Variants in IL23R observed in about 807,000 individuals in gnomAD.
IL23R encodes interleukin-23 receptor.
IL23R carries 34 observed loss-of-function variants against 56.9 expected under a neutral mutation model. The observed-to-expected ratio is 0.60, with a 90% confidence interval of 0.45 to 0.80. The LOEUF (loss-of-function observed/expected upper bound fraction) is 0.80, where lower values mean the gene tolerates loss of function less well. IL23R is among the 30% of genes least tolerant of loss of function. The pLI is 0.00. For synonymous variants in IL23R, 230 were observed against 249.2 expected, an observed-to-expected ratio of 0.92 and a Z score of 0.73; for missense variants, 635 against 730.0, an observed-to-expected ratio of 0.87 and a Z score of 1.50.
intron 5 of IL23R, 67 bp downstream of exon 5, chr1:67,200,964 T>A (rs577604838): frequency 6.6e-7 from 1 of 1,512,924 alleles, no homozygotes; most frequent in Non-Finnish European, 9.2e-7. Context: ...TCAAATGAGG[T>A]CTAGATCTGA....
At chr1:67,200,507 C>A (rs535985057) in intron 4 of IL23R, among the ~76,000 whole-genome samples, 3 of 150,954 alleles carry the variant, frequency 2.0e-5, no homozygotes, top group Non-Finnish European at 4.4e-5. Flanking sequence ...ATTCTCCTTT[C>A]GCAGCCTCCC....
At position 67,200,818 on chromosome 1, in the gene IL23R, G is replaced by A. The variant is rs1648575491; in HGVS notation, c.573G>A (p.Lys191=). The change falls in exon 5 of 11, where the codon AAG becomes AAA. Residue 191 remains lysine, a synonymous_variant. Transcript: ENST00000347310. The stretch of plus-strand genomic sequence containing the variant: ...CTGATTCATTACAAGGTGGCAAGAA[G>A]TACTTGGTTTGGGTCCAAGCAGCAA... The part of the protein sequence containing the change: ...ISTDSLQGGK[K]YLVWVQAANA... 7.4e-6 allele frequency: 12 copies of A among 1,614,070 alleles called. No homozygotes were observed. The highest frequency in any genetic ancestry group is 1.0e-5 in the Non-Finnish European group (12 of 1,179,984).
chr1:67,233,226 C>T (rs4655529), intron 7 of IL23R, among the ~76,000 whole-genome samples: 40,102 of 142,928 alleles, frequency 0.28, 6,848 homozygotes, highest in East Asian at 0.72. Context: ...AAAAGCCACG[C>T]GTGGTGGCAT....
At chr1:67,248,449 G>T (rs924111887) in intron 9 of IL23R, among the ~76,000 whole-genome samples, 4 of 151,990 alleles carry the variant, frequency 2.6e-5, no homozygotes, top group Admixed American at 6.6e-5. Context: ...CTTGTGCTGT[G>T]TTTTTCAGCA....
intron 6 of IL23R, among the ~76,000 whole-genome samples, chr1:67,210,731 C>T (rs1437991339): frequency 6.6e-6 from 1 of 152,024 alleles, no homozygotes; most frequent in Non-Finnish European, 1.5e-5. Flanking sequence ...CGTCAGCCTC[C>T]CAAAGTGCTA....
At chr1:67,177,934 G>A (rs1163030903) in intron 3 of IL23R, among the ~76,000 whole-genome samples, 1 of 151,148 alleles carries the variant, frequency 6.6e-6, no homozygotes, top group African/African-American at 2.5e-5. Flanking sequence ...TTGTAGATGT[G>A]TGGTGTTATT....
chr1:67,168,156 A>T lies in IL23R; in HGVS notation c.36A>T (p.Ile12=). Residue 12 remains isoleucine, a synonymous_variant, in exon 2 of 11, where the codon ATA becomes ATT. Transcript: ENST00000347310. ...TCACTATTCAATGGGATGCAGTAAT[A>T]GCCCTTTACATACTCTTCAGCTGGT... ...NQVTIQWDAV[I]ALYILFSWCH... The T allele has an allele frequency of 6.2e-7, 1 of 1,612,274 alleles. No individual in the cohort carries two copies.
chr1:67,255,937 C>G lies in IL23R; in HGVS notation c.1239+10C>G. 6.6e-7 allele frequency: 1 copy of G among 1,514,190 alleles called. No homozygotes were observed. Among genetic ancestry groups the G allele is most frequent in the Non-Finnish European group, 9.2e-7 (1 of 1,089,522 alleles). The allele number at this position is 1,514,190 out of a possible 1,614,324, so 93.8% of individuals were successfully genotyped here. A position where few individuals can be genotyped will look rare whatever the true frequency, so the allele number is the denominator to read the frequency against. ...TGTGAAAATGCTACAGGTAACCTAACATCATCCAACAAAAACTGAGTGGCA... is the reference window on the plus strand; with the variant it reads ...TGTGAAAATGCTACAGGTAACCTAAGATCATCCAACAAAAACTGAGTGGCA... On this transcript the variant is annotated intron_variant, in intron 10 of 10. Transcript: ENST00000347310.
In IL23R at chr1:67,259,401, C is replaced by A. The variant is rs965631959; in HGVS notation, c.*273C>A. 4.6e-6 allele frequency: 2 copies of A among 434,818 alleles called. No individual in the cohort carries two copies. Among genetic ancestry groups the A allele is most frequent in the African/African-American group, 4.0e-5 (2 of 49,974 alleles). 26.9% of individuals were successfully genotyped at this position (434,818 alleles called of 1,614,324 possible). On this transcript the variant is annotated 3_prime_UTR_variant, in exon 11 of 11. Transcript: ENST00000347310. ...ATCACCATGTAAGAATTCCCGGGAGCTCCATGCCTTTTTAATTTTAGCCAT... is the reference window on the plus strand; with the variant it reads ...ATCACCATGTAAGAATTCCCGGGAGATCCATGCCTTTTTAATTTTAGCCAT...
intron 6 of IL23R, among the ~76,000 whole-genome samples, chr1:67,217,911 T>A (rs1048813171): frequency 2.6e-5 from 4 of 151,696 alleles, no homozygotes; most frequent in African/African-American, 9.7e-5. Context: ...TTTTTTTTTT[T>A]AATCTCAATC....
chr1:67,258,205 CT>C (rs1653055380), intron 10 of IL23R, among the ~76,000 whole-genome samples: 1 of 152,106 alleles, frequency 6.6e-6, no homozygotes, highest in African/African-American at 2.4e-5. Flanking sequence ...CAACTTTTCT[CT>C]TTAAAACTTT....
intron 7 of IL23R, among the ~76,000 whole-genome samples, chr1:67,221,953 T>C (rs886597721): frequency 1.3e-5 from 2 of 152,106 alleles, no homozygotes; most frequent in African/African-American, 2.4e-5. Context: ...GTGGATTGCT[T>C]GAGCCTAGGA....
intron 1 of IL23R, among the ~76,000 whole-genome samples, chr1:67,149,717 C>T (rs1369711229): frequency 6.6e-6 from 1 of 152,088 alleles, no homozygotes; most frequent in Non-Finnish European, 1.5e-5. Flanking sequence ...CAATCATTTC[C>T]CATAATTTGA....
At chr1:67,153,426 T>C (rs1414764236) in intron 1 of IL23R, among the ~76,000 whole-genome samples, 1 of 144,652 alleles carries the variant, frequency 6.9e-6, no homozygotes, top group Non-Finnish European at 1.5e-5. Context: ...TTTTGAAGGG[T>C]TTTTTGTGTC....
chr1:67,226,806 G>T (rs576528646), intron 7 of IL23R, among the ~76,000 whole-genome samples: 1 of 152,166 alleles, frequency 6.6e-6, no homozygotes, highest in Admixed American at 6.5e-5. Flanking sequence ...TGACAGAAAA[G>T]GGTGGGCATG....
intron 4 of IL23R, among the ~76,000 whole-genome samples, chr1:67,188,395 G>A (rs1647503480): frequency 6.6e-6 from 1 of 152,194 alleles, no homozygotes; most frequent in South Asian, 2.1e-4. Flanking sequence ...GAAGGGCATT[G>A]TAAATGGAGT....
intron 8 of IL23R, among the ~76,000 whole-genome samples, chr1:67,239,584 G>C (rs1159556721): frequency 6.6e-6 from 1 of 152,092 alleles, no homozygotes; most frequent in Non-Finnish European, 1.5e-5. Flanking sequence ...TTTTAACTAA[G>C]TGTGAGTGCA....
At position 67,180,478 on chromosome 1, in the gene IL23R, C is replaced by T. The variant is rs986933990; in HGVS notation, c.368-2358C>T. On this transcript the variant is annotated intron_variant, in intron 3 of 10. Transcript: ENST00000347310. ...TTTGTTTTCCATTTGCTTGGTAGAT[C>T]TTCCTCCATCCCTTTATTTTGAGCC... is the stretch of plus-strand genomic sequence containing the variant. Among the ~76,000 whole-genome samples the T allele has an allele frequency of 2.6e-5, 4 of 151,910 alleles. No individual in the cohort carries two copies. The East Asian group carries it at 7.7e-4, about 29-fold the overall frequency.
intron 5 of IL23R, among the ~76,000 whole-genome samples, chr1:67,204,058 T>C (rs1648823388): frequency 6.6e-6 from 1 of 152,202 alleles, no homozygotes; most frequent in Admixed American, 6.5e-5. Context: ...TATAATAAAA[T>C]TGATACTTTT....
Sources: gnomAD v4.1 joint callset for allele counts (sites outside exome capture counted in the v4.1 genomes callset) on GRCh38, gnomAD v4.1.1 for gene constraint, MANE v1.5 for transcripts, NCBI Gene and HGNC (gene_info 2026-07-23, HGNC 2026-07-21) for gene names.